The following SDK1 variants were observed in gnomAD, a reference collection of about 807,000 sequenced individuals.
SDK1 encodes the protein protein sidekick-1.
A neutral mutation model predicts 245.5 loss-of-function variants in SDK1; 157 were observed. The observed-to-expected ratio is 0.64, with a 90% CI of 0.56 to 0.73. The LOEUF is 0.73. Among genes scored for constraint, SDK1 ranks in the 30% least tolerant of loss-of-function variants. SDK1 has a pLI of 0.00. For missense variants in SDK1, 3,583 were observed against 3,002.3 expected (o/e 1.19, Z -4.52); for synonymous variants, 1,647 against 1,278.5 (o/e 1.29, Z -6.15).
intron 1 of SDK1, among the ~76,000 whole-genome samples, chr7:3,556,375 A>T (rs1402100578): frequency 3.3e-5 from 5 of 152,158 alleles, no homozygotes; most frequent in Non-Finnish European, 2.9e-5. Flanking sequence ...TCATGGAGAT[A>T]AAGGGTAGAA....
At chr7:4,162,853 C>A (rs1327564655) in intron 32 of SDK1, among the ~76,000 whole-genome samples, 2 of 152,188 alleles carry the variant, frequency 1.3e-5, no homozygotes. Context: ...CAATTTTGGG[C>A]AATGCTTACT....
At chr7:3,556,131 C>T (rs1350742846) in intron 1 of SDK1, among the ~76,000 whole-genome samples, 1 of 152,124 alleles carries the variant, frequency 6.6e-6, no homozygotes, top group Non-Finnish European at 1.5e-5. Context: ...TTTTTTGCAG[C>T]ACTATTCACA....
intron 22 of SDK1, among the ~76,000 whole-genome samples, chr7:4,101,006 G>A (rs975046229): frequency 2.0e-5 from 3 of 152,162 alleles, no homozygotes; most frequent in Non-Finnish European, 4.4e-5. Flanking sequence ...AGGCCTATGC[G>A]GAGGTGCACA....
intron 4 of SDK1, among the ~76,000 whole-genome samples, chr7:3,790,486 G>A (rs527717123): frequency 3.9e-4 from 60 of 152,240 alleles, no homozygotes; most frequent in African/African-American, 1.4e-3. Flanking sequence ...GGCCCACACA[G>A]AGGCAAATAC....
At chr7:3,612,250 T>G (rs549832384) in intron 1 of SDK1, among the ~76,000 whole-genome samples, 120 of 152,250 alleles carry the variant, frequency 7.9e-4, no homozygotes, top group African/African-American at 2.6e-3. Context: ...ATAAAAAAAT[T>G]AAAAATCCTA....
chr7:3,728,296 G>T (rs769540497), intron 4 of SDK1, among the ~76,000 whole-genome samples: 1 of 152,194 alleles, frequency 6.6e-6, no homozygotes, highest in African/African-American at 2.4e-5. Context: ...TGCAAGTGCT[G>T]TCTCAGGGTT....
intron 19 of SDK1, among the ~76,000 whole-genome samples, chr7:4,056,877 G>T (rs567328006): frequency 1.3e-5 from 2 of 151,618 alleles, no homozygotes; most frequent in East Asian, 3.9e-4. Flanking sequence ...AGACCATTCC[G>T]CCCCGGCTCC....
chr7:3,504,758 C>G (rs76473635), intron 1 of SDK1, among the ~76,000 whole-genome samples: 2 of 149,818 alleles, frequency 1.3e-5, no homozygotes, highest in Non-Finnish European at 2.9e-5. Flanking sequence ...AGACATTACA[C>G]TAAAAGCACA....
At chr7:3,796,515 C>T (rs1562449395) in intron 4 of SDK1, among the ~76,000 whole-genome samples, 1 of 151,706 alleles carries the variant, frequency 6.6e-6, no homozygotes, top group East Asian at 1.9e-4. Context: ...CAGTAATGCC[C>T]CTCTCCCCCC....
intron 19 of SDK1, among the ~76,000 whole-genome samples, chr7:4,059,256 AAG>A (rs1392905897): frequency 1.3e-5 from 2 of 152,218 alleles, no homozygotes; most frequent in African/African-American, 2.4e-5. Flanking sequence ...GAGATGGAAA[AAG>A]AGATTTTGTG....
chr7:3,494,816 C>G (rs774870048), intron 1 of SDK1, among the ~76,000 whole-genome samples: 3 of 152,212 alleles, frequency 2.0e-5, no homozygotes, highest in Non-Finnish European at 2.9e-5. Flanking sequence ...GGGATTTCTA[C>G]ACACGGTTTA....
At chr7:3,776,137 A>G (rs1780553283) in intron 4 of SDK1, among the ~76,000 whole-genome samples, 1 of 152,220 alleles carries the variant, frequency 6.6e-6, no homozygotes, top group Non-Finnish European at 1.5e-5. Context: ...ATCAGTAACT[A>G]TCTGTTGAAT....
In SDK1 at chr7:3,793,570, T is replaced by C. The variant is rs76158397; in HGVS notation, c.714-27880T>C. Among the ~76,000 whole-genome samples, 388 of 152,338 alleles carry C rather than the reference T, an allele frequency of 2.5e-3. 2 individuals carry two copies. Among genetic ancestry groups the C allele is most frequent in the African/African-American group, 8.4e-3 (350 of 41,588 alleles). On this transcript the variant is annotated intron_variant, in intron 4 of 44. Transcript: ENST00000404826. ...GATCCTCTGCCCTTTACAGCTTTTGTATCCTTCTTGTGTCGATTCTATAGC... is the reference window on the plus strand; with the variant it reads ...GATCCTCTGCCCTTTACAGCTTTTGCATCCTTCTTGTGTCGATTCTATAGC...
intron 38 of SDK1, among the ~76,000 whole-genome samples, chr7:4,217,534 A>C: frequency 7.5e-6 from 1 of 133,206 alleles, no homozygotes; most frequent in African/African-American, 2.9e-5. Flanking sequence ...GCACCACACC[A>C]CCCGGAGCAC....
At chr7:4,195,756 C>T (rs1003885636) in intron 35 of SDK1, among the ~76,000 whole-genome samples, 14 of 152,226 alleles carry the variant, frequency 9.2e-5, no homozygotes, top group Admixed American at 2.0e-4. Flanking sequence ...GGACCAGATC[C>T]GCAGAGGGCC....
chr7:3,677,039 G>C (rs1445752364), intron 4 of SDK1, among the ~76,000 whole-genome samples: 1 of 152,004 alleles, frequency 6.6e-6, no homozygotes, highest in African/African-American at 2.4e-5. Context: ...TTGGCCTCTG[G>C]GATGTTTGTT....
intron 4 of SDK1, among the ~76,000 whole-genome samples, chr7:3,690,570 G>A (rs1335546396): frequency 6.6e-6 from 1 of 152,022 alleles, no homozygotes; most frequent in East Asian, 1.9e-4. Context: ...TGCGTCGAGT[G>A]GCCTCACTGA....
intron 1 of SDK1, among the ~76,000 whole-genome samples, chr7:3,358,679 G>A (rs73048689): frequency 0.027 from 4,078 of 152,234 alleles, 74 homozygotes; most frequent in Middle Eastern, 0.037. Context: ...GCAGCTTTGA[G>A]CATTGATACT....
intron 5 of SDK1, among the ~76,000 whole-genome samples, chr7:3,855,795 T>G (rs1299939458): frequency 6.6e-6 from 1 of 152,186 alleles, no homozygotes; most frequent in Non-Finnish European, 1.5e-5. Flanking sequence ...GGAGGCTCTT[T>G]TAGTCAAAGT....
Sources: allele counts gnomAD v4.1 joint callset (sites outside exome capture counted in the v4.1 genomes callset), GRCh38; gene constraint gnomAD v4.1.1; transcripts MANE v1.5; gene names NCBI Gene and HGNC (gene_info 2026-07-23, HGNC 2026-07-21).